SNAPC3: variants seen among roughly 807,000 people sequenced by gnomAD.
The protein encoded by SNAPC3 is small nuclear RNA activating complex polypeptide 3, also known as snRNA-activating protein complex subunit 3.
Under a neutral mutation model 47.7 loss-of-function variants are expected in SNAPC3, and 56 were observed. The ratio of observed to expected loss-of-function variants is 1.18; its 90% CI spans 0.95 to 1.47. The LOEUF (loss-of-function observed/expected upper bound fraction) is 1.47. SNAPC3 is among the 40% of genes most tolerant of loss of function. The pLI is 0.00. For missense variants in SNAPC3, 665 were observed against 511.3 expected (o/e 1.30, Z -2.90); for synonymous variants, 235 against 189.9 (o/e 1.24, Z -1.95).
chr9:15,462,895 T>TA (rs1409212418), downstream of SNAPC3: 2 of 152,168 alleles, frequency 1.3e-5, no homozygotes, highest in Admixed American at 6.5e-5. Context: ...TCGGACAAAA[T>TA]AGAGTTAGCA....
At chr9:15,446,306 G>A (rs2033926772) in intron 4 of SNAPC3, among the ~76,000 whole-genome samples, 2 of 152,030 alleles carry the variant, frequency 1.3e-5, no homozygotes, top group African/African-American at 4.8e-5. Flanking sequence ...AGCTTCGCTC[G>A]AGCAATCCTC....
intron 7 of SNAPC3, 85 bp from the exon 8 acceptor site, chr9:15,457,875 C>A (rs2034915449): frequency 3.9e-6 from 3 of 763,592 alleles, no homozygotes; most frequent in Non-Finnish European, 6.5e-6. Context: ...TCCTAATACT[C>A]AGGCACAGAT....
At chr9:15,429,649 T>C (rs2031886984) in intron 2 of SNAPC3, among the ~76,000 whole-genome samples, 1 of 152,062 alleles carries the variant, frequency 6.6e-6, no homozygotes, top group Non-Finnish European at 1.5e-5. Context: ...AATAGAAATA[T>C]CAACTCCCCC....
At position 15,459,874 on chromosome 9, in the gene SNAPC3, T is replaced by C; in HGVS notation, c.*8T>C. 2.5e-6 allele frequency: 4 copies of C among 1,602,348 alleles called. No homozygotes were observed. The highest frequency in any genetic ancestry group is 3.4e-6 in the Non-Finnish European group (4 of 1,176,322). On this transcript the variant is annotated 3_prime_UTR_variant, in exon 9 of 9. Transcript: ENST00000380821. ...CCTGGAACCTTTAATTAAGAATAGC[T>C]ACACTCACAAAAATACCCCCTCATG...
chr9:15,457,694 G>A (rs990730170), intron 7 of SNAPC3, among the ~76,000 whole-genome samples: 2 of 152,124 alleles, frequency 1.3e-5, no homozygotes, highest in African/African-American at 2.4e-5. Context: ...CTCTTAAGGG[G>A]GGATCACAGT....
Position 15,457,980 on chromosome 9 carries a change from G to A in SNAPC3, c.1001G>A (p.Cys334Tyr), listed in dbSNP as rs1266099231. The A allele has an allele frequency of 1.9e-6, 3 of 1,586,106 alleles. No individual in the cohort carries two copies. The highest frequency in any genetic ancestry group is 2.6e-6 in the Non-Finnish European group (3 of 1,170,380). ...TDIRLVHHDD[C>Y]LDRTLYPLLI... ...AAAAGGCTTGTGCATCATGATGACTGCTTGGATAGGACATTGTATCCCCTC... is the reference window on the plus strand; with the variant it reads ...AAAAGGCTTGTGCATCATGATGACTACTTGGATAGGACATTGTATCCCCTC... Residue 334 changes from cysteine to tyrosine, a missense_variant, in exon 8 of 9, where the codon TGC (cysteine) becomes TAC (tyrosine). Cys to Tyr is a radical substitution (Grantham distance 194, BLOSUM62 -2). Coordinates refer to ENST00000380821, the MANE Select transcript of SNAPC3 (RefSeq NM_001039697.2).
intron 7 of SNAPC3, among the ~76,000 whole-genome samples, chr9:15,454,742 G>C (rs560498341): frequency 1.6e-3 from 245 of 152,236 alleles, no homozygotes; most frequent in South Asian, 7.0e-3. Context: ...TCGAGACCAT[G>C]CTGGCTAACA....
chr9:15,448,895 C>T (rs560640405), intron 5 of SNAPC3, among the ~76,000 whole-genome samples: 8 of 151,746 alleles, frequency 5.3e-5, no homozygotes, highest in African/African-American at 1.9e-4. Context: ...CTGCAACTTT[C>T]ACCTCCCAGT....
Position 15,443,395 on chromosome 9 carries a change from A to G in SNAPC3, c.478-1207A>G, listed in dbSNP as rs915741308. On this transcript the variant is annotated intron_variant, in intron 3 of 8. Coordinates refer to ENST00000380821, the MANE Select transcript of SNAPC3 (RefSeq NM_001039697.2). ...ACTTTCCTCTTTTTTTGTGATTTATATGTTTTTTTGAGAACTAGACATTCT... is the reference window on the plus strand; with the variant it reads ...ACTTTCCTCTTTTTTTGTGATTTATGTGTTTTTTTGAGAACTAGACATTCT... 2.0e-5 allele frequency among the ~76,000 whole-genome samples: 3 copies of G among 151,884 alleles called. 1 individual carries two copies. Among genetic ancestry groups the G allele is most frequent in the Admixed American group, 1.3e-4 (2 of 15,258 alleles).
rs974145546 is a variant in SNAPC3, at chr9:15,422,945, C to A, written c.66C>A (p.Ser22=). Residue 22 remains serine (S), a synonymous_variant, in exon 1 of 9, where the codon TCC becomes TCA. Coordinates refer to ENST00000380821, the MANE Select transcript of SNAPC3 (RefSeq NM_001039697.2). ...SGVGGRQDPV[S]GSGGCNFPEY... ...TGGGTGGCAGGCAGGACCCAGTCTC[C>A]GGCAGTGGCGGCTGCAACTTTCCAG... The A allele has an allele frequency of 4.6e-6, 7 of 1,530,712 alleles. No individual in the cohort carries two copies. The highest frequency in any genetic ancestry group is 6.1e-6 in the Non-Finnish European group (7 of 1,143,390). The allele number at this position is 1,530,712 out of a possible 1,614,324, so 94.8% of individuals were successfully genotyped here. A position where few individuals can be genotyped will look rare whatever the true frequency, so the allele number is the denominator to read the frequency against.
intron 5 of SNAPC3, among the ~76,000 whole-genome samples, chr9:15,450,560 A>T (rs2034312641): frequency 6.6e-6 from 1 of 152,204 alleles, no homozygotes; most frequent in African/African-American, 2.4e-5. Context: ...AGTAAGTGGT[A>T]GATTAAGGAA....
chr9:15,465,519 CCTAGTT>C, downstream of SNAPC3: 1 of 1,553,058 alleles, frequency 6.4e-7, no homozygotes, highest in Non-Finnish European at 8.8e-7. Context: ...GGTATGTCAA[CCTAGTT>C]ATCTAGTGTA....
In SNAPC3 at chr9:15,426,876, G is replaced by A. The variant is rs2031474360; in HGVS notation, c.392+2890G>A. ...TGGGGTTATTTTGATATACTGTGAA[G>A]CTAGTGTATTTAATACATGACCATT... On this transcript the variant is annotated intron_variant, in intron 2 of 8. Coordinates refer to ENST00000380821, the MANE Select transcript of SNAPC3 (RefSeq NM_001039697.2). Among the ~76,000 whole-genome samples, 3 of 152,212 alleles carry A rather than the reference G, an allele frequency of 2.0e-5. No homozygotes were observed. The South Asian group carries it at 6.2e-4, about 32-fold the overall frequency.
intron 7 of SNAPC3, among the ~76,000 whole-genome samples, chr9:15,455,954 A>C (rs1257510224): frequency 1.3e-5 from 2 of 152,002 alleles, no homozygotes; most frequent in African/African-American, 2.4e-5. Context: ...GGCTCACCAC[A>C]ACCTCTGCCT....
chr9:15,453,900 C>G (rs1335359724), intron 7 of SNAPC3, among the ~76,000 whole-genome samples: 1 of 152,066 alleles, frequency 6.6e-6, no homozygotes, highest in Non-Finnish European at 1.5e-5. Context: ...TAATTAGAAA[C>G]CAGTAATTAC....
chr9:15,459,458 A>G (rs929114671), intron 8 of SNAPC3, among the ~76,000 whole-genome samples: 2 of 152,196 alleles, frequency 1.3e-5, no homozygotes, highest in South Asian at 2.1e-4. Flanking sequence ...ATAGATTTAT[A>G]TTCTTCCTTT....
At chr9:15,449,937 T>C (rs1024803426) in intron 5 of SNAPC3, among the ~76,000 whole-genome samples, 1 of 152,146 alleles carries the variant, frequency 6.6e-6, no homozygotes, top group Non-Finnish European at 1.5e-5. Context: ...AATTAATAAT[T>C]ATGCCAAAAG....
chr9:15,464,513 G>C (rs2035477098), downstream of SNAPC3: 1 of 200,558 alleles, frequency 5.0e-6, no homozygotes, highest in African/African-American at 2.3e-5. Context: ...AAAGTACAAT[G>C]CTGGAACAAC....
intron 2 of SNAPC3, among the ~76,000 whole-genome samples, chr9:15,427,994 C>G (rs922783361): frequency 6.6e-6 from 1 of 151,792 alleles, no homozygotes; most frequent in African/African-American, 2.4e-5. Flanking sequence ...GCCTGTAGTC[C>G]CAGCTACTCG....
Sources: gnomAD v4.1 joint callset for allele counts (sites outside exome capture counted in the v4.1 genomes callset) on GRCh38, gnomAD v4.1.1 for gene constraint, MANE v1.5 for transcripts, NCBI Gene and HGNC (gene_info 2026-07-23, HGNC 2026-07-21) for gene names.